The following SRGAP3 variants were observed in gnomAD, a reference collection of about 807,000 sequenced individuals.
SRGAP3 encodes the protein SLIT-ROBO Rho GTPase-activating protein 3.
In SRGAP3, 39 loss-of-function variants were observed where a neutral mutation model predicts 121.1. The ratio of observed to expected loss-of-function variants is 0.32; its 90% CI spans 0.25 to 0.42. The LOEUF is 0.42. Among genes scored for constraint, SRGAP3 ranks in the 10% least tolerant of loss-of-function variants. SRGAP3 has a pLI of 1.00. For synonymous variants in SRGAP3, 601 were observed against 570.0 expected (o/e 1.05, Z -0.77); for missense variants, 1,213 against 1,470.6 (o/e 0.82, Z 2.86).
At chr3:9,040,570 A>T (rs1944966776) in intron 10 of SRGAP3, among the ~76,000 whole-genome samples, 1 of 151,250 alleles carries the variant, frequency 6.6e-6, no homozygotes, top group Non-Finnish European at 1.5e-5. Flanking sequence ...ATTCTATTTT[A>T]TATTATTTTA....
At position 9,047,406 on chromosome 3, in the gene SRGAP3, G is replaced by C. The variant is rs1368903131; in HGVS notation, c.1393C>G (p.Gln465Glu). Residue 465 changes from glutamine (Q) to glutamate (E), a missense_variant, in exon 10 of 22, where the codon CAG becomes GAG. Around this residue, in one of 2 missense-constraint regions of SRGAP3, gnomAD observed 793 missense variants for 1,032.9 expected, o/e 0.77. Transcript: ENST00000383836. ...KLQAKHDLLK[Q>E]TLGEGERAEC... is the part of the protein sequence containing the mutation. ...GCCCACTCACCTTCGCCCAGGGTCT[G>C]CTTGAGTAAATCGTGCTTGGCCTGC... 6.2e-7 allele frequency: 1 copy of C among 1,614,142 alleles called. No individual in the cohort carries two copies. The highest frequency in any genetic ancestry group is 8.5e-7 in the Non-Finnish European group (1 of 1,180,028).
Position 8,981,047 on chromosome 3 carries a change from C to G in SRGAP3, c.*4472G>C, listed in dbSNP as rs1038685790. 11 of 232,948 alleles carry G rather than the reference C, an allele frequency of 4.7e-5. No individual in the cohort carries two copies. The East Asian group carries it at 6.7e-4, about 14-fold the overall frequency. The allele number at this position is 232,948 out of a possible 1,614,324, so 14.4% of individuals were successfully genotyped here. A position where few individuals can be genotyped will look rare whatever the true frequency, so the allele number is the denominator to read the frequency against. On this transcript the variant is annotated 3_prime_UTR_variant, in exon 22 of 22. Transcript: ENST00000383836. ...GACAACTCACACAGAAAGGAGGTGT[C>G]AACAAGGGGCAGCGATGGCCATGTG...
chr3:8,987,717 C>G (rs1318364327), intron 21 of SRGAP3, among the ~76,000 whole-genome samples: 1 of 126,522 alleles, frequency 7.9e-6, no homozygotes, highest in South Asian at 2.2e-4. Context: ...CATCCGTTGC[C>G]CCAGAACACC....
At chr3:9,121,078 C>A (rs1436404606) in intron 2 of SRGAP3, among the ~76,000 whole-genome samples, 2 of 152,144 alleles carry the variant, frequency 1.3e-5, no homozygotes, top group Non-Finnish European at 2.9e-5. Flanking sequence ...AAATCTTGGG[C>A]AAATCAGTTC....
intron 3 of SRGAP3, among the ~76,000 whole-genome samples, chr3:9,317,688 T>C (rs953941367): frequency 1.3e-5 from 2 of 152,262 alleles, no homozygotes; most frequent in African/African-American, 4.8e-5. Context: ...AACTCTAGTA[T>C]GCATCAGAAA....
intron 14 of SRGAP3, among the ~76,000 whole-genome samples, chr3:9,017,031 CA>C (rs968677077): frequency 6.6e-6 from 1 of 151,472 alleles, no homozygotes; most frequent in East Asian, 1.9e-4. Flanking sequence ...TTTTCTGGAC[CA>C]AAAAAAATCC....
At chr3:9,150,218 G>A (rs555381556) in intron 1 of SRGAP3, among the ~76,000 whole-genome samples, 51 of 152,004 alleles carry the variant, frequency 3.4e-4, no homozygotes, top group African/African-American at 1.2e-3. Context: ...CTGAAGAGGA[G>A]TGGGCCAGGG....
At chr3:9,324,496 C>G (rs914726568) in intron 3 of SRGAP3, among the ~76,000 whole-genome samples, 2 of 151,858 alleles carry the variant, frequency 1.3e-5, no homozygotes, top group Admixed American at 1.3e-4. Flanking sequence ...GTTTACAGGA[C>G]AAAAACAAAA....
At chr3:9,161,088 G>C (rs1950584584) in intron 1 of SRGAP3, among the ~76,000 whole-genome samples, 1 of 152,202 alleles carries the variant, frequency 6.6e-6, no homozygotes. Flanking sequence ...TAAAACTAGA[G>C]GGTGAATGTT....
chr3:9,193,416 T>A (rs2125143055), intron 1 of SRGAP3: 1 of 152,372 alleles, frequency 6.6e-6, no homozygotes, highest in South Asian at 2.1e-4. Flanking sequence ...GACCTCAATT[T>A]CTCTGCTGGC....
intron 1 of SRGAP3, among the ~76,000 whole-genome samples, chr3:9,225,011 C>T (rs1222293794): frequency 6.6e-6 from 1 of 152,184 alleles, no homozygotes; most frequent in East Asian, 1.9e-4. Context: ...TAGCAGCCAA[C>T]AGATTAGAGC....
chr3:9,052,019 G>A (rs1560013513), intron 9 of SRGAP3, among the ~76,000 whole-genome samples: 1 of 152,186 alleles, frequency 6.6e-6, no homozygotes, highest in South Asian at 2.1e-4. Flanking sequence ...GGCCAATTTT[G>A]CTCAGTTCTG....
intron 14 of SRGAP3, among the ~76,000 whole-genome samples, chr3:9,020,048 T>C (rs763659450): frequency 1.3e-5 from 2 of 152,212 alleles, no homozygotes; most frequent in Non-Finnish European, 2.9e-5. Flanking sequence ...GCATTGCATG[T>C]CACTAAGGGA....
chr3:9,187,580 G>C (rs1425369935), intron 1 of SRGAP3, among the ~76,000 whole-genome samples: 2 of 152,144 alleles, frequency 1.3e-5, no homozygotes, highest in African/African-American at 4.8e-5. Context: ...GTCAGCCACT[G>C]TCTCTTACTG....
rs191334878 is a variant in SRGAP3, at chr3:9,099,916, A to G, written c.423+4764T>C. On this transcript the variant is annotated intron_variant, in intron 3 of 21. Coordinates refer to ENST00000383836, the MANE Select transcript of SRGAP3 (RefSeq NM_014850.4). The stretch of plus-strand genomic sequence containing the variant: ...GAGAGGCAAAATCAAGGAGCCAAGT[A>G]AGGTAAAATACGCCAGCAGGGTCAG... Among the ~76,000 whole-genome samples the G allele has an allele frequency of 7.9e-5, 12 of 152,344 alleles. No homozygotes were observed. The East Asian group carries it at 2.3e-3, about 29-fold the overall frequency.
intron 1 of SRGAP3, among the ~76,000 whole-genome samples, chr3:9,336,216 T>C (rs751052987): frequency 4.0e-4 from 53 of 133,618 alleles, no homozygotes; most frequent in Admixed American, 7.4e-4. Context: ...TCCCCCTCCC[T>C]CTCTTCTCTC....
In SRGAP3 at chr3:8,985,332, T is replaced by C; in HGVS notation, c.*187A>G. On this transcript the variant is annotated 3_prime_UTR_variant, in exon 22 of 22. Coordinates refer to ENST00000383836, the MANE Select transcript of SRGAP3 (RefSeq NM_014850.4). The surrounding 1 kb of genome is among the most constrained non-coding windows in gnomAD (Gnocchi z 5.1). ...CGTCTGTTGACACGCGAGAGGTCCG[T>C]GGGATTCCCATGGCTGGACGTGAGC... 2 of 1,300,582 alleles carry C rather than the reference T, an allele frequency of 1.5e-6. No individual in the cohort carries two copies. Among genetic ancestry groups the C allele is most frequent in the South Asian group, 1.6e-5 (1 of 63,288 alleles). The allele number at this position is 1,300,582 out of a possible 1,614,324, so 80.6% of individuals were successfully genotyped here.
chr3:9,027,911 T>C (rs1192172905), intron 12 of SRGAP3, among the ~76,000 whole-genome samples: 2 of 152,178 alleles, frequency 1.3e-5, no homozygotes, highest in Admixed American at 6.5e-5. Flanking sequence ...GAAGACAGCA[T>C]GGATTTGGAT....
In SRGAP3 at chr3:9,060,467, C is replaced by A. The variant is rs375972482; in HGVS notation, c.673-108G>T. 24 of 1,413,152 alleles carry A rather than the reference C, an allele frequency of 1.7e-5. No homozygotes were observed. The African/African-American group carries it at 3.9e-4, about 23-fold the overall frequency. 87.5% of individuals were successfully genotyped at this position (1,413,152 alleles called of 1,614,324 possible). On this transcript the variant is annotated intron_variant, in intron 5 of 21. Transcript: ENST00000383836. ...TTTGAGACAGGGTGTTGCTCTGTCA[C>A]CCAGGTGAGAGTGCAGTGGTGTGAT...
Sources: allele counts gnomAD v4.1 joint callset (sites outside exome capture counted in the v4.1 genomes callset), GRCh38; gene constraint gnomAD v4.1.1; regional missense constraint gnomAD v4.1.1; non-coding constraint Gnocchi (gnomAD v3.1); transcripts MANE v1.5; gene names NCBI Gene and HGNC (gene_info 2026-07-23, HGNC 2026-07-21).